The following FSD1L variants were observed in gnomAD, a reference collection of about 807,000 sequenced individuals.
The protein encoded by FSD1L is fibronectin type III and SPRY domain containing 1 like, also known as FSD1-like protein.
A neutral mutation model predicts 71.6 loss-of-function variants in FSD1L; 45 were observed. That is an observed-to-expected ratio of 0.63 (90% CI 0.49 to 0.81). The LOEUF (loss-of-function observed/expected upper bound fraction) is 0.81. Ranked by LOEUF, FSD1L falls within the 30% of genes least tolerant of loss-of-function variation. FSD1L has a pLI of 0.00. For missense variants in FSD1L, 561 were observed against 618.1 expected (o/e 0.91, Z 0.98); for synonymous variants, 197 against 207.2 (o/e 0.95, Z 0.42).
At chr9:105,479,845 T>G (rs1228774422) in intron 6 of FSD1L, among the ~76,000 whole-genome samples, 4 of 152,226 alleles carry the variant, frequency 2.6e-5, no homozygotes, top group African/African-American at 9.7e-5. Context: ...TTCCATCCTG[T>G]TCCTGGTGCC....
At chr9:105,520,103 T>C in intron 10 of FSD1L, 1 of 1,586,220 alleles carries the variant, frequency 6.3e-7, no homozygotes. Flanking sequence ...GCAGTGGCAG[T>C]GGCAGTGGCA....
At chr9:105,451,210 C>T (rs1287624395) in intron 1 of FSD1L, among the ~76,000 whole-genome samples, 2 of 152,222 alleles carry the variant, frequency 1.3e-5, no homozygotes, top group Non-Finnish European at 1.5e-5. Context: ...CCGCCCGCCT[C>T]GGCCTCCCAA....
chr9:105,452,457 C>G (rs1360378795), intron 1 of FSD1L, among the ~76,000 whole-genome samples: 1 of 152,168 alleles, frequency 6.6e-6, no homozygotes, highest in Non-Finnish European at 1.5e-5. Flanking sequence ...AGTCTGGATT[C>G]AAGTCAAGTT....
chr9:105,506,792 A>G (rs1312781913), intron 8 of FSD1L, among the ~76,000 whole-genome samples, 184 bp downstream of exon 8: 3 of 150,544 alleles, frequency 2.0e-5, no homozygotes, highest in Non-Finnish European at 4.4e-5. Flanking sequence ...TTTTTAAGAC[A>G]GGATCTTGTT....
At chr9:105,544,978 C>A (rs1370649293) in intron 13 of FSD1L, among the ~76,000 whole-genome samples, 2 of 152,138 alleles carry the variant, frequency 1.3e-5, no homozygotes, top group Non-Finnish European at 2.9e-5. Flanking sequence ...TCAGTGGTAG[C>A]TTGATGGGGA....
chr9:105,517,264 G>A (rs55798036), intron 10 of FSD1L, among the ~76,000 whole-genome samples: 18,671 of 152,150 alleles, frequency 0.12, 1,535 homozygotes, highest in East Asian at 0.46. Context: ...GGGTATTATC[G>A]AGGAGAACTT....
intron 13 of FSD1L, among the ~76,000 whole-genome samples, chr9:105,543,896 T>A (rs1836800780): frequency 6.6e-6 from 1 of 152,244 alleles, no homozygotes; most frequent in Non-Finnish European, 1.5e-5. Flanking sequence ...TAAACATACA[T>A]GTGCATGTGT....
At chr9:105,485,868 C>T (rs1832515969) in intron 7 of FSD1L, among the ~76,000 whole-genome samples, 1 of 152,034 alleles carries the variant, frequency 6.6e-6, no homozygotes, top group African/African-American at 2.4e-5. Context: ...TGGTTTCGAT[C>T]TCCTGACCTC....
At position 105,551,442 on chromosome 9, in the gene FSD1L, A is replaced by G. The variant is rs762361816; in HGVS notation, c.*4959A>G. ...GTGTAAGTTGTTCAGCCTGCCTCAC[A>G]GGGCTGTTGTGAGGAAATAAAATGA... On this transcript the variant is annotated 3_prime_UTR_variant, in exon 14 of 14. Coordinates refer to ENST00000481272, the MANE Select transcript of FSD1L (RefSeq NM_001145313.3). 2 of 152,078 alleles carry G rather than the reference A, an allele frequency of 1.3e-5. No homozygotes were observed. Among genetic ancestry groups the G allele is most frequent in the Non-Finnish European group, 2.9e-5 (2 of 67,982 alleles). The allele number at this position is 152,078 out of a possible 1,614,324, so 9.4% of individuals were successfully genotyped here.
At chr9:105,544,486 C>T (rs531893527) in intron 13 of FSD1L, among the ~76,000 whole-genome samples, 6 of 152,158 alleles carry the variant, frequency 3.9e-5, no homozygotes, top group Non-Finnish European at 8.8e-5. Flanking sequence ...GTGTTTCAGA[C>T]ATGAAGTCCT....
chr9:105,492,272 C>T lies in FSD1L; in HGVS notation c.586+7770C>T, dbSNP rs995608486. 5.2e-3 allele frequency among the ~76,000 whole-genome samples: 787 copies of T among 151,986 alleles called. 11 individuals carry two copies. The highest frequency in any genetic ancestry group is 0.018 in the African/African-American group (761 of 41,462). Reference sequence around the variant, plus strand: ...ATTTATCCATTTCTTCTATATTTTCCAGTTTATTTGCGTAGAGGTGTTTGT... The same window carrying T: ...ATTTATCCATTTCTTCTATATTTTCTAGTTTATTTGCGTAGAGGTGTTTGT... On this transcript the variant is annotated intron_variant, in intron 7 of 13. Transcript: ENST00000481272.
At chr9:105,448,661 T>G (rs1174474683) in intron 1 of FSD1L, among the ~76,000 whole-genome samples, 1 of 152,188 alleles carries the variant, frequency 6.6e-6, no homozygotes. Flanking sequence ...AGCTGGGGCT[T>G]TCTCCTCGAC....
At chr9:105,452,440 A>C (rs1460709678) in intron 1 of FSD1L, among the ~76,000 whole-genome samples, 1 of 152,220 alleles carries the variant, frequency 6.6e-6, no homozygotes, top group Non-Finnish European at 1.5e-5. Flanking sequence ...CACAGCTAGC[A>C]AATAGTAGTC....
At chr9:105,493,327 G>A (rs900231576) in intron 7 of FSD1L, among the ~76,000 whole-genome samples, 5 of 152,022 alleles carry the variant, frequency 3.3e-5, no homozygotes, top group African/African-American at 9.7e-5. Flanking sequence ...TGCAACCCCT[G>A]CCTTTTTTAG....
At chr9:105,476,283 T>C (rs1012556172) in intron 5 of FSD1L, among the ~76,000 whole-genome samples, 2 of 152,092 alleles carry the variant, frequency 1.3e-5, no homozygotes, top group Non-Finnish European at 2.9e-5. Flanking sequence ...TTTCTCCCTC[T>C]CTCTCTCTCT....
At chr9:105,454,221 C>T (rs1830225000) in intron 1 of FSD1L, among the ~76,000 whole-genome samples, 1 of 152,116 alleles carries the variant, frequency 6.6e-6, no homozygotes, top group Admixed American at 6.5e-5. Flanking sequence ...TGGTATCATG[C>T]TATATATGCT....
chr9:105,494,455 T>C (rs1833202642), intron 7 of FSD1L, among the ~76,000 whole-genome samples: 1 of 152,348 alleles, frequency 6.6e-6, no homozygotes, highest in Admixed American at 6.5e-5. Context: ...AATTTCCTCC[T>C]GTAGCTTGGA....
rs187693727 is a variant in FSD1L, at chr9:105,507,599, C to G, written c.796+991C>G. 8.5e-5 allele frequency among the ~76,000 whole-genome samples: 13 copies of G among 152,182 alleles called. No homozygotes were observed. In the South Asian group the frequency reaches 2.7e-3, roughly 32 times the overall value. On this transcript the variant is annotated intron_variant, in intron 8 of 13. Coordinates refer to ENST00000481272, the MANE Select transcript of FSD1L (RefSeq NM_001145313.3). ...CAAAACTGAGATTTAGTAATCCAGA[C>G]TGTACTTCAAAATGTTTGTTAGTAA...
intron 10 of FSD1L, among the ~76,000 whole-genome samples, chr9:105,518,621 A>G (rs987404170): frequency 2.0e-5 from 3 of 152,236 alleles, no homozygotes; most frequent in African/African-American, 7.2e-5. Context: ...AATGAGAACA[A>G]AGACACAATG....
Sources: gnomAD v4.1 joint callset for allele counts (sites outside exome capture counted in the v4.1 genomes callset) on GRCh38, gnomAD v4.1.1 for gene constraint, MANE v1.5 for transcripts, NCBI Gene and HGNC (gene_info 2026-07-23, HGNC 2026-07-21) for gene names.